Variants in MMP26 observed in about 807,000 individuals in gnomAD.
MMP26 encodes the protein matrix metalloproteinase-26.
In MMP26, 33 loss-of-function variants were observed where a neutral mutation model predicts 31.0. That is an observed-to-expected ratio of 1.06 (90% CI 0.81 to 1.42). MMP26 has a LOEUF of 1.42. MMP26 is among the 40% of genes most tolerant of loss of function. The pLI, the probability that MMP26 is intolerant of heterozygous loss-of-function variation, is 0.00. For synonymous variants in MMP26, 122 were observed against 114.9 expected, an observed-to-expected ratio of 1.06 and a Z score of -0.40; for missense variants, 347 against 316.1, an observed-to-expected ratio of 1.10 and a Z score of -0.74.
intron 2 of MMP26, chr11:4,769,893 A>C: frequency 1.2e-6 from 2 of 1,608,184 alleles, no homozygotes; most frequent in Non-Finnish European, 1.7e-6. Flanking sequence ...GGAAATTTAG[A>C]TGTTGAGTTG....
chr11:4,881,358 A>C (rs1318539534), intron 2 of MMP26, among the ~76,000 whole-genome samples: 1 of 152,144 alleles, frequency 6.6e-6, no homozygotes, highest in East Asian at 1.9e-4. Context: ...CTCATCGCTC[A>C]GTTACTTTTG....
intron 2 of MMP26, among the ~76,000 whole-genome samples, chr11:4,938,623 A>T (rs1846161961): frequency 6.6e-6 from 1 of 152,228 alleles, no homozygotes; most frequent in Admixed American, 6.5e-5. Flanking sequence ...GAAAATACTC[A>T]TGTCTTAATC....
intron 2 of MMP26, chr11:4,908,799 T>C (rs1325149553): frequency 6.2e-6 from 1 of 162,546 alleles, no homozygotes; most frequent in Non-Finnish European, 1.4e-5. Context: ...TAAAAAAAGC[T>C]TTGAAAAGTC....
intron 2 of MMP26, among the ~76,000 whole-genome samples, chr11:4,852,106 A>G (rs897922371): frequency 6.6e-6 from 1 of 152,100 alleles, no homozygotes; most frequent in Non-Finnish European, 1.5e-5. Flanking sequence ...AAAATTATAT[A>G]CCCCACAAAA....
intron 2 of MMP26, among the ~76,000 whole-genome samples, chr11:4,957,476 G>A (rs544352267): frequency 3.5e-4 from 53 of 152,162 alleles, no homozygotes; most frequent in African/African-American, 1.2e-3. Context: ...GGGCAGCATA[G>A]CTTCCAACTT....
intron 2 of MMP26, among the ~76,000 whole-genome samples, chr11:4,839,537 C>A (rs1046189193): frequency 6.6e-6 from 1 of 151,780 alleles, no homozygotes; most frequent in Non-Finnish European, 1.5e-5. Context: ...AGTCCTGAGG[C>A]CTTTGTTCCA....
At chr11:4,732,168 C>T (rs1848181830) in intron 1 of MMP26, among the ~76,000 whole-genome samples, 1 of 152,104 alleles carries the variant, frequency 6.6e-6, no homozygotes, top group Admixed American at 6.5e-5. Flanking sequence ...ATTGCTTCCA[C>T]TTCTCGTTCG....
At chr11:4,770,466 G>A (rs1361743034) in intron 2 of MMP26, among the ~76,000 whole-genome samples, 1 of 152,118 alleles carries the variant, frequency 6.6e-6, no homozygotes, top group Non-Finnish European at 1.5e-5. Context: ...AATTATAAGA[G>A]AAAAACAATG....
intron 2 of MMP26, among the ~76,000 whole-genome samples, chr11:4,968,884 T>A (rs935090384): frequency 1.3e-5 from 2 of 151,994 alleles, no homozygotes; most frequent in African/African-American, 4.8e-5. Context: ...GAATACCCAG[T>A]CATACTTTAG....
rs78130833 is a variant in MMP26 at position 4,914,867 on chromosome 11, A to T, written c.-144-73201A>T. On this transcript the variant is annotated intron_variant, in intron 2 of 7. Coordinates refer to ENST00000380390, the MANE Select transcript of MMP26 (RefSeq NM_021801.5). ...GGGTGCCTGCTTTCCAAAGCGATGG[A>T]TGACAGAGAGGCCAATCATGGGAGT... is the stretch of plus-strand genomic sequence containing the variant. The T allele has an allele frequency of 5.0e-4, 800 of 1,614,134 alleles. 6 individuals are homozygous for T. In the East Asian group the frequency reaches 0.016, roughly 33 times the overall value.
intron 2 of MMP26, among the ~76,000 whole-genome samples, chr11:4,845,049 A>T (rs1849848142): frequency 1.3e-5 from 2 of 152,176 alleles, no homozygotes; most frequent in Non-Finnish European, 2.9e-5. Flanking sequence ...CAAATTCAGT[A>T]AATTTGCAGG....
At position 4,990,683 on chromosome 11, in the gene MMP26, C is replaced by T. The variant is rs747409348; in HGVS notation, c.406C>T (p.Pro136Ser). ...NAVSIWSNVT[P>S]LIFQQVQNGD... ...AGTTTCCATCTGGAGCAATGTGACC[C>T]CTTTGATATTCCAGCAAGTGCAGAA... The change falls in exon 5 of 8, where the codon CCT becomes TCT. Residue 136 changes from proline (P) to serine (S), a missense_variant. Coordinates refer to ENST00000380390, the MANE Select transcript of MMP26 (RefSeq NM_021801.5). 2 of 1,614,024 alleles carry T rather than the reference C, an allele frequency of 1.2e-6. No individual in the cohort carries two copies. The highest frequency in any genetic ancestry group is 2.2e-5 in the East Asian group (1 of 44,860).
At chr11:4,849,599 A>C (rs1849945030) in intron 2 of MMP26, among the ~76,000 whole-genome samples, 1 of 152,118 alleles carries the variant, frequency 6.6e-6, no homozygotes, top group East Asian at 1.9e-4. Flanking sequence ...AACCCCAGAC[A>C]GTCTGACTTC....
intron 1 of MMP26, among the ~76,000 whole-genome samples, chr11:4,715,239 G>T (rs1847913038): frequency 6.6e-6 from 1 of 151,666 alleles, no homozygotes; most frequent in Non-Finnish European, 1.5e-5. Context: ...TGTTAGAGAG[G>T]TGTATTTGAT....
chr11:4,942,008 C>G (rs1406410384), intron 2 of MMP26, among the ~76,000 whole-genome samples: 2 of 145,776 alleles, frequency 1.4e-5, no homozygotes, highest in African/African-American at 5.1e-5. Context: ...TCACTTGAAC[C>G]CGGGAGGCAG....
chr11:4,798,560 C>T (rs1433904), intron 2 of MMP26, among the ~76,000 whole-genome samples: 9,952 of 152,254 alleles, frequency 0.065, 624 homozygotes, highest in African/African-American at 0.17. Context: ...TTATTGATGC[C>T]TGCACTCTGC....
chr11:4,738,886 A>G (rs535938522), intron 1 of MMP26, among the ~76,000 whole-genome samples: 2 of 152,240 alleles, frequency 1.3e-5, no homozygotes, highest in South Asian at 2.1e-4. Context: ...TTTTATATAA[A>G]GAAATAATTC....
chr11:4,810,374 G>T (rs1849334132), intron 2 of MMP26, among the ~76,000 whole-genome samples: 1 of 152,116 alleles, frequency 6.6e-6, no homozygotes, highest in African/African-American at 2.4e-5. Flanking sequence ...CACTGAATTT[G>T]CATATAAGAG....
At chr11:4,710,253 T>C (rs988695433) in intron 1 of MMP26, 14 of 456,676 alleles carry the variant, frequency 3.1e-5, no homozygotes, top group African/African-American at 1.4e-4. Flanking sequence ...CTCTGTGCTC[T>C]GCATTGCCTC....
Sources: allele counts gnomAD v4.1 joint callset (sites outside exome capture counted in the v4.1 genomes callset), GRCh38; gene constraint gnomAD v4.1.1; transcripts MANE v1.5; gene names NCBI Gene and HGNC (gene_info 2026-07-23, HGNC 2026-07-21).